Variants in TRMT1L observed in about 807,000 individuals in gnomAD.
The protein encoded by TRMT1L is tRNA (guanine(27)-N(2))-dimethyltransferase.
TRMT1L carries 28 observed loss-of-function variants against 81.6 expected under a neutral mutation model. The ratio of observed to expected loss-of-function variants is 0.34; its 90% CI spans 0.25 to 0.47. The LOEUF (loss-of-function observed/expected upper bound fraction) is 0.47. TRMT1L is among the 20% of genes least tolerant of loss of function. TRMT1L has a pLI of 1.00. For missense variants in TRMT1L, 739 were observed against 877.1 expected, an observed-to-expected ratio of 0.84 and a Z score of 1.99; for synonymous variants, 301 against 303.2, an observed-to-expected ratio of 0.99 and a Z score of 0.07.
At chr1:185,155,896 C>T (rs1325169765) in intron 1 of TRMT1L, among the ~76,000 whole-genome samples, 3 of 152,138 alleles carry the variant, frequency 2.0e-5, no homozygotes, top group Non-Finnish European at 4.4e-5. Flanking sequence ...GGAAAACATC[C>T]GTAAATTTAG....
intron 7 of TRMT1L, among the ~76,000 whole-genome samples, chr1:185,140,512 CT>C (rs1388228010): frequency 6.6e-6 from 1 of 151,626 alleles, no homozygotes; most frequent in Non-Finnish European, 1.5e-5. Flanking sequence ...TTCTTTTTTG[CT>C]TTTTTTCTGA....
At position 185,156,513 on chromosome 1, in the gene TRMT1L, G is replaced by A. The variant is rs1413832935; in HGVS notation, c.200C>T (p.Pro67Leu). 6.2e-7 allele frequency: 1 copy of A among 1,613,726 alleles called. No individual in the cohort carries two copies. The stretch of plus-strand genomic sequence containing the variant: ...CTCCTCAGGGGCAGAGGCTAGGGAC[G>A]GGGACAGGGCCGGAGCCTGGGCCAG... ...PALAQAPALS[P>L]SLASAPEEAK... Residue 67 changes from proline (P) to leucine (L), a missense_variant, in exon 1 of 15, where the codon CCG becomes CTG. By Grantham distance (98) the Pro-to-Leu change is moderately conservative. Transcript: ENST00000367506.
chr1:185,143,418 T>C lies in TRMT1L; in HGVS notation c.798A>G (p.Thr266=), dbSNP rs373641461. 8.7e-6 allele frequency: 14 copies of C among 1,610,608 alleles called. No individual in the cohort carries two copies. Among genetic ancestry groups the C allele is most frequent in the African/African-American group, 2.7e-5 (2 of 74,756 alleles). The change falls in exon 7 of 15, where the codon ACA becomes ACG. Residue 266 remains threonine, a synonymous_variant. Coordinates refer to ENST00000367506, the MANE Select transcript of TRMT1L (RefSeq NM_030934.5). ...MKLNRQLIFC[T]LAALAEERKP... ...TTCGTTCCTCAGCCAAAGCAGCCAA[T>C]GTACAGAATATTAGCTGCCTAGAAG...
chr1:185,143,819 T>A, intron 6 of TRMT1L, 87 bp downstream of exon 6: 1 of 1,174,942 alleles, frequency 8.5e-7, no homozygotes, highest in Non-Finnish European at 1.1e-6. Flanking sequence ...AGTTCTAAAT[T>A]TTAATATATT....
rs1486552977 is a variant in TRMT1L at position 185,150,426 on chromosome 1, C to T, written c.413G>A (p.Arg138His). 1.6e-5 allele frequency: 26 copies of T among 1,613,574 alleles called. No individual in the cohort carries two copies. The highest frequency in any genetic ancestry group is 1.1e-4 in the East Asian group (5 of 44,868). Residue 138 changes from arginine (R) to histidine (H), a missense_variant, in exon 3 of 15, where the codon CGT becomes CAT. Coordinates refer to ENST00000367506, the MANE Select transcript of TRMT1L (RefSeq NM_030934.5). ...KFRACNSHKL[R>H]RHLQNLHWKV... Reference sequence around the variant, plus strand: ...CCAGTGTAAATTCTGGAGGTGACGACGAAGCTTATGGCTATTACAAGCTCT... The same window carrying T: ...CCAGTGTAAATTCTGGAGGTGACGATGAAGCTTATGGCTATTACAAGCTCT...
chr1:185,145,644 C>G, intron 4 of TRMT1L, 76 bp from the exon 5 acceptor site: 1 of 1,428,534 alleles, frequency 7.0e-7, no homozygotes, highest in African/African-American at 1.4e-5. Flanking sequence ...AATTTAAGTA[C>G]ATTAGTGTCT....
intron 3 of TRMT1L, 89 bp from the exon 4 acceptor site, chr1:185,147,335 G>A: frequency 1.1e-6 from 1 of 922,062 alleles, no homozygotes; most frequent in Non-Finnish European, 1.7e-6. Context: ...TATAAGAATT[G>A]GTATTACCCT....
chr1:185,143,396 G>GT lies in TRMT1L; in HGVS notation c.819dup (p.Arg274ThrfsTer34). 6.2e-7 allele frequency: 1 copy of GT among 1,611,324 alleles called. No homozygotes were observed. Among genetic ancestry groups the GT allele is most frequent in the Non-Finnish European group, 8.5e-7 (1 of 1,178,472 alleles). On this transcript the variant is annotated frameshift_variant, in exon 7 of 15. Coordinates refer to ENST00000367506, the MANE Select transcript of TRMT1L (RefSeq NM_030934.5). LOFTEE classifies it high-confidence loss of function. ...GCATCTAGACATTCCAAAGGTTTTC[G>GT]TTCCTCAGCCAAAGCAGCCAATGTA...
chr1:185,149,247 A>C (rs1320700941), intron 3 of TRMT1L, among the ~76,000 whole-genome samples: 1 of 151,808 alleles, frequency 6.6e-6, no homozygotes, highest in Non-Finnish European at 1.5e-5. Context: ...TACTAAGTAA[A>C]TATTGCAATG....
At chr1:185,126,173 C>T (rs1316019154) in intron 11 of TRMT1L, among the ~76,000 whole-genome samples, 1 of 152,202 alleles carries the variant, frequency 6.6e-6, no homozygotes, top group Admixed American at 6.5e-5. Flanking sequence ...TCAAGGGATC[C>T]TCCTGCCTCA....
At position 185,119,704 on chromosome 1, in the gene TRMT1L, T is replaced by C; in HGVS notation, c.*315A>G. 4.7e-6 allele frequency: 1 copy of C among 212,948 alleles called. No individual in the cohort carries two copies. Among genetic ancestry groups the C allele is most frequent in the Non-Finnish European group, 9.4e-6 (1 of 106,686 alleles). 13.2% of individuals were successfully genotyped at this position (212,948 alleles called of 1,614,324 possible). On this transcript the variant is annotated 3_prime_UTR_variant, in exon 15 of 15. Transcript: ENST00000367506. ...TAAGAATTGTAAAAGATGGCTTTCA[T>C]AACATACATAAAATTCCAAACACTT...
chr1:185,134,466 C>T (rs748878292), intron 10 of TRMT1L, among the ~76,000 whole-genome samples: 7 of 152,184 alleles, frequency 4.6e-5, no homozygotes, highest in Non-Finnish European at 1.0e-4. Context: ...GGATTACAGG[C>T]GTGAGCCACC....
intron 1 of TRMT1L, among the ~76,000 whole-genome samples, chr1:185,153,406 G>A (rs532662434): frequency 6.6e-6 from 1 of 152,218 alleles, no homozygotes; most frequent in East Asian, 1.9e-4. Flanking sequence ...GATTCAGAAA[G>A]AATAAATGGT....
intron 12 of TRMT1L, among the ~76,000 whole-genome samples, chr1:185,124,436 C>A (rs767389917): frequency 6.6e-6 from 1 of 151,410 alleles, no homozygotes. Context: ...GTGGTTCATG[C>A]CTGTAATCCC....
At chr1:185,126,396 G>A (rs1571343166) in intron 11 of TRMT1L, among the ~76,000 whole-genome samples, 1 of 152,102 alleles carries the variant, frequency 6.6e-6, no homozygotes, top group Non-Finnish European at 1.5e-5. Context: ...CCGGGTTCAC[G>A]ACATTCTCCT....
chr1:185,139,215 G>T (rs1052622044), intron 9 of TRMT1L, 152 bp downstream of exon 9: 7 of 564,308 alleles, frequency 1.2e-5, no homozygotes, highest in Non-Finnish European at 2.1e-5. Context: ...AATTACAACA[G>T]ATACCACGTA....
At chr1:185,154,622 C>T (rs773023816) in intron 1 of TRMT1L, among the ~76,000 whole-genome samples, 12 of 152,088 alleles carry the variant, frequency 7.9e-5, no homozygotes, top group Non-Finnish European at 1.5e-4. Context: ...TCAATAAAGA[C>T]GTGCCTATTG....
rs1652423859 is a variant in TRMT1L, at chr1:185,118,805, T to G, written c.*1214A>C. On this transcript the variant is annotated 3_prime_UTR_variant, in exon 15 of 15. Transcript: ENST00000367506. ...CTAATGCCTATCCACTAGATTTTTT[T>G]GTATATGTCACAGAAGTACTTTTTT... 1 of 152,084 alleles carries G rather than the reference T, an allele frequency of 6.6e-6. No individual in the cohort carries two copies. Among genetic ancestry groups the G allele is most frequent in the East Asian group, 1.9e-4 (1 of 5,198 alleles). 9.4% of individuals were successfully genotyped at this position (152,084 alleles called of 1,614,324 possible).
At chr1:185,132,354 C>T (rs1208390672) in intron 10 of TRMT1L, among the ~76,000 whole-genome samples, 13 of 151,560 alleles carry the variant, frequency 8.6e-5, no homozygotes. Flanking sequence ...CCTGTCTCTA[C>T]TAAAAAATAC....
Sources: gnomAD v4.1 joint callset for allele counts (sites outside exome capture counted in the v4.1 genomes callset) on GRCh38, gnomAD v4.1.1 for gene constraint, MANE v1.5 for transcripts, NCBI Gene and HGNC (gene_info 2026-07-23, HGNC 2026-07-21) for gene names.